WDHD1: variants seen among roughly 807,000 people sequenced by gnomAD.
WDHD1 encodes the protein WD repeat and HMG-box DNA-binding protein 1.
Under a neutral mutation model 135.4 loss-of-function variants are expected in WDHD1, and 111 were observed. That is an observed-to-expected ratio of 0.82 (90% CI 0.70 to 0.96). The LOEUF (loss-of-function observed/expected upper bound fraction) is 0.96, where lower values mean the gene tolerates loss of function less well. WDHD1 is among the 40% of genes least tolerant of loss of function. WDHD1 has a pLI of 0.00. For missense variants in WDHD1, 1,351 were observed against 1,336.3 expected (o/e 1.01, Z -0.17); for synonymous variants, 434 against 439.0 (o/e 0.99, Z 0.14).
At chr14:54,967,227 T>C in intron 17 of WDHD1, 53 bp downstream of exon 17, 1 of 1,339,442 alleles carries the variant, frequency 7.5e-7, no homozygotes, top group Non-Finnish European at 1.1e-6. Flanking sequence ...AGTGTGTGTA[T>C]CACAGGTGCT....
At chr14:54,963,877 C>G (rs564343069) in intron 18 of WDHD1, among the ~76,000 whole-genome samples, 11 of 150,872 alleles carry the variant, frequency 7.3e-5, no homozygotes, top group Non-Finnish European at 1.5e-4. Context: ...TTTGGAAGGC[C>G]AAGGCAGAGG....
Position 54,955,567 on chromosome 14 carries a change from T to A in WDHD1, c.3044A>T (p.Asn1015Ile), listed in dbSNP as rs2041138651. Residue 1015 changes from asparagine (N) to isoleucine (I), a missense_variant, in exon 24 of 26, where the codon AAC becomes ATC. Asn to Ile is a moderately radical substitution (Grantham distance 149). Around this residue, in one of 2 missense-constraint regions of WDHD1, gnomAD observed 1,330 missense variants for 1,296.1 expected, o/e 1.03. Transcript: ENST00000360586. ...AATTTCTCTATGTACTGACCTTTGGTTTTCAGTGTTTTGAGGAGGACATAT... is the reference window on the plus strand; with the variant it reads ...AATTTCTCTATGTACTGACCTTTGGATTTCAGTGTTTTGAGGAGGACATAT... ...PAICPPQNTE[N>I]QRPKTGFQMW... The A allele has an allele frequency of 6.4e-7, 1 of 1,566,042 alleles. No individual in the cohort carries two copies. The highest frequency in any genetic ancestry group is 2.4e-5 in the East Asian group (1 of 42,186).
intron 24 of WDHD1, among the ~76,000 whole-genome samples, chr14:54,948,850 T>C (rs1347240477): frequency 6.6e-6 from 1 of 152,168 alleles, no homozygotes; most frequent in East Asian, 1.9e-4. Context: ...TGTTCACCAA[T>C]ATTTGCTGTT....
chr14:54,941,325 T>C lies in WDHD1; in HGVS notation c.*165A>G. 3.7e-6 allele frequency: 2 copies of C among 533,540 alleles called. No homozygotes were observed. The highest frequency in any genetic ancestry group is 4.1e-5 in the South Asian group (1 of 24,106). The allele number at this position is 533,540 out of a possible 1,614,324, so 33.1% of individuals were successfully genotyped here. A position where few individuals can be genotyped will look rare whatever the true frequency, so the allele number is the denominator to read the frequency against. ...GCAAAGATGATAGTTTTTACATATG[T>C]CCTGTTACCTACACCAATATAATTA... On this transcript the variant is annotated 3_prime_UTR_variant, in exon 26 of 26. Coordinates refer to ENST00000360586, the MANE Select transcript of WDHD1 (RefSeq NM_007086.4).
At chr14:55,017,680 G>A (rs2140230491) in intron 2 of WDHD1, among the ~76,000 whole-genome samples, 1 of 152,156 alleles carries the variant, frequency 6.6e-6, no homozygotes, top group Non-Finnish European at 1.5e-5. Flanking sequence ...GGAAATCTGT[G>A]AAACACAAAA....
At position 54,962,981 on chromosome 14, in the gene WDHD1, T is replaced by C; in HGVS notation, c.2502A>G (p.Glu834=). Residue 834 remains glutamate (E), a synonymous_variant, in exon 19 of 26, where the codon GAA becomes GAG. Coordinates refer to ENST00000360586, the MANE Select transcript of WDHD1 (RefSeq NM_007086.4). ...TATQVEEEEE[E]EDFRKKLNAG... The stretch of plus-strand genomic sequence containing the variant: ...CATTCAGCTTTTTTCTGAAATCTTC[T>C]TCTTCTTCTTCCTCTTCCACCTGGG... The C allele has an allele frequency of 6.2e-7, 1 of 1,613,928 alleles. No individual in the cohort carries two copies. The highest frequency in any genetic ancestry group is 1.1e-5 in the South Asian group (1 of 91,060).
At chr14:55,004,756 T>A (rs113559747) in intron 7 of WDHD1, 1 of 382,068 alleles carries the variant, frequency 2.6e-6, no homozygotes, top group East Asian at 7.0e-5. Flanking sequence ...CCCGACCCAA[T>A]GTTTATTTTT....
rs188161396 is a variant in WDHD1, at chr14:54,954,872, G to T, written c.3050+689C>A. ...AGCCTTCCGATTTGCTGGGATTACA[G>T]GCATGTGCCACCAAGCCTGGCTAAT... On this transcript the variant is annotated intron_variant, in intron 24 of 25. Coordinates refer to ENST00000360586, the MANE Select transcript of WDHD1 (RefSeq NM_007086.4). 1.5e-3 allele frequency among the ~76,000 whole-genome samples: 233 copies of T among 152,234 alleles called. 1 individual carries two copies. The highest frequency in any genetic ancestry group is 4.5e-3 in the Admixed American group (69 of 15,288).
intron 22 of WDHD1, 84 bp downstream of exon 22, chr14:54,957,508 G>A (rs1432951708): frequency 1.6e-6 from 2 of 1,239,652 alleles, no homozygotes; most frequent in Non-Finnish European, 2.2e-6. Context: ...TCCAAGTCTG[G>A]GGAGAGTCAT....
At chr14:55,011,139 T>C (rs2042161609) in intron 3 of WDHD1, among the ~76,000 whole-genome samples, 2 of 152,252 alleles carry the variant, frequency 1.3e-5, no homozygotes, top group Non-Finnish European at 2.9e-5. Flanking sequence ...GCAGCCTTAG[T>C]AAACTAATAC....
rs60615259 is a variant in WDHD1, at chr14:55,011,524, CAAAAAA to C, written c.190-1070_190-1065del. Among the ~76,000 whole-genome samples, 20 of 51,000 alleles carry C rather than the reference CAAAAAA, an allele frequency of 3.9e-4. 1 individual carries two copies. The highest frequency in any genetic ancestry group is 1.5e-3 in the African/African-American group (18 of 12,336). The allele number at this position is 51,000 out of a possible 152,430, so 33.5% of individuals were successfully genotyped here. ...AGGCAACAAGAGTGAAACTCTGTCT[CAAAAAA>C]AAAAAAAAAAAAAAAAAAAAGTATC... On this transcript the variant is annotated intron_variant, in intron 3 of 25. Coordinates refer to ENST00000360586, the MANE Select transcript of WDHD1 (RefSeq NM_007086.4).
intron 10 of WDHD1, among the ~76,000 whole-genome samples, chr14:54,998,628 G>T (rs1434010957): frequency 4.5e-5 from 6 of 134,204 alleles, no homozygotes; most frequent in African/African-American, 1.6e-4. Context: ...TATTCTAGTA[G>T]AATTTTTTTT....
chr14:54,988,921 A>G (rs890484189), intron 13 of WDHD1, 107 bp downstream of exon 13: 29 of 1,022,724 alleles, frequency 2.8e-5, no homozygotes, highest in Admixed American at 5.1e-5. Flanking sequence ...CTGAAATTTC[A>G]TATTACAAAA....
At chr14:54,990,468 C>G (rs988378994) in intron 12 of WDHD1, among the ~76,000 whole-genome samples, 1 of 151,896 alleles carries the variant, frequency 6.6e-6, no homozygotes, top group Non-Finnish European at 1.5e-5. Flanking sequence ...TGGTGGCAGG[C>G]ACCTGTAGTC....
chr14:55,026,935 C>A, intron 1 of WDHD1, 93 bp downstream of exon 1: 1 of 788,070 alleles, frequency 1.3e-6, no homozygotes. Context: ...CGAGTGACAC[C>A]AGCGGGATAA....
At chr14:54,953,187 C>A (rs1250989039) in intron 24 of WDHD1, among the ~76,000 whole-genome samples, 5 of 152,140 alleles carry the variant, frequency 3.3e-5, no homozygotes, top group African/African-American at 1.2e-4. Flanking sequence ...AGTGAACAGG[C>A]AACCTACAGA....
chr14:54,961,336 A>G (rs1395958429), intron 21 of WDHD1, among the ~76,000 whole-genome samples: 1 of 152,118 alleles, frequency 6.6e-6, no homozygotes, highest in Non-Finnish European at 1.5e-5. Context: ...AAAATAAAAT[A>G]AAATAAAAAA....
At chr14:54,997,269 T>C (rs2041898158) in intron 10 of WDHD1, among the ~76,000 whole-genome samples, 1 of 151,980 alleles carries the variant, frequency 6.6e-6, no homozygotes, top group Admixed American at 6.6e-5. Context: ...CTAATTTTTG[T>C]ATTTTCAGTA....
chr14:54,989,220 C>G lies in WDHD1; in HGVS notation c.1342-8G>C, dbSNP rs1183543714. 13 of 1,605,634 alleles carry G rather than the reference C, an allele frequency of 8.1e-6. No individual in the cohort carries two copies. Among genetic ancestry groups the G allele is most frequent in the Non-Finnish European group, 7.7e-6 (9 of 1,176,008 alleles). ...TCCAATAGAGTTCCACACCTACAAA[C>G]AGGTAAGATTAAATATAAGTCTGAG... On this transcript the variant is annotated splice_polypyrimidine_tract_variant and splice_region_variant and intron_variant, in intron 12 of 25. Transcript: ENST00000360586.
Sources: allele counts gnomAD v4.1 joint callset (sites outside exome capture counted in the v4.1 genomes callset), GRCh38; gene constraint gnomAD v4.1.1; regional missense constraint gnomAD v4.1.1; transcripts MANE v1.5; gene names NCBI Gene and HGNC (gene_info 2026-07-23, HGNC 2026-07-21).